Variants in ZMYM2 observed in about 807,000 individuals in gnomAD.
The protein encoded by ZMYM2 is zinc finger MYM-type protein 2.
A neutral mutation model predicts 162.8 loss-of-function variants in ZMYM2; 56 were observed. The ratio of observed to expected loss-of-function variants is 0.34; its 90% CI spans 0.28 to 0.43. ZMYM2 has a LOEUF of 0.43. Among genes scored for constraint, ZMYM2 ranks in the 20% least tolerant of loss-of-function variants. The pLI, the probability that ZMYM2 is intolerant of heterozygous loss-of-function variation, is 1.00. For missense variants in ZMYM2, 1,275 were observed against 1,621.8 expected (o/e 0.79, Z 3.67); for synonymous variants, 510 against 541.6 (o/e 0.94, Z 0.81).
chr13:19,934,066 G>A, the ZMYM2 span, among the ~76,000 whole-genome samples: 10 of 151,680 alleles, frequency 6.6e-5, no homozygotes, highest in East Asian at 1.4e-3. Context: ...CACTTTTCCC[G>A]CTTTCTATAG....
intron 2 of ZMYM2, among the ~76,000 whole-genome samples, chr13:19,981,655 A>T (rs1265705444): frequency 6.6e-6 from 1 of 152,044 alleles, no homozygotes; most frequent in Non-Finnish European, 1.5e-5. Context: ...GTAAATACGA[A>T]TTTTTTCCTA....
chr13:19,895,427 A>G, the ZMYM2 span, among the ~76,000 whole-genome samples: 3 of 151,972 alleles, frequency 2.0e-5, no homozygotes, highest in African/African-American at 7.3e-5. Flanking sequence ...TTTATTTATC[A>G]TAATTATGGA....
intron 7 of ZMYM2, among the ~76,000 whole-genome samples, chr13:20,021,908 A>G (rs1165712100): frequency 2.6e-5 from 4 of 152,182 alleles, no homozygotes; most frequent in South Asian, 4.1e-4. Context: ...CAGCTCCATC[A>G]TCATCAGTAC....
intron 2 of ZMYM2, among the ~76,000 whole-genome samples, chr13:19,974,132 G>A (rs974040819): frequency 7.2e-5 from 11 of 152,138 alleles, no homozygotes; most frequent in Non-Finnish European, 1.6e-4. Flanking sequence ...AACTTTAAAA[G>A]GTAGAAGAGG....
At chr13:19,982,805 G>A (rs1018954358) in intron 2 of ZMYM2, among the ~76,000 whole-genome samples, 1 of 152,158 alleles carries the variant, frequency 6.6e-6, no homozygotes, top group Non-Finnish European at 1.5e-5. Flanking sequence ...TGGATTCAGT[G>A]TTTACCTTTT....
At chr13:19,888,395 C>A in the ZMYM2 span, among the ~76,000 whole-genome samples, 1 of 151,750 alleles carries the variant, frequency 6.6e-6, no homozygotes, top group African/African-American at 2.4e-5. Context: ...TGCCATGTTG[C>A]CCAGGCTGGT....
the ZMYM2 span, among the ~76,000 whole-genome samples, chr13:19,913,656 C>T: frequency 6.6e-6 from 1 of 152,158 alleles, no homozygotes; most frequent in South Asian, 2.1e-4. Flanking sequence ...ACCTGGGAGG[C>T]GGAGGCTGCA....
the ZMYM2 span, among the ~76,000 whole-genome samples, chr13:19,874,281 G>A: frequency 0.012 from 1,787 of 152,206 alleles, 35 homozygotes; most frequent in African/African-American, 0.039. Context: ...GTGCAGTAGC[G>A]TGATCACAGC....
chr13:19,949,135 C>A, the ZMYM2 span, among the ~76,000 whole-genome samples: 1 of 151,022 alleles, frequency 6.6e-6, no homozygotes, highest in South Asian at 2.1e-4. Context: ...TAAGGCTGGG[C>A]ACTGTGGCTC....
rs182844758 is a variant in ZMYM2, at chr13:19,999,960, G to A, written c.848-2890G>A. 1.1e-3 allele frequency among the ~76,000 whole-genome samples: 163 copies of A among 152,168 alleles called. 1 individual carries two copies. The highest frequency in any genetic ancestry group is 1.2e-3 in the Non-Finnish European group (82 of 68,002). On this transcript the variant is annotated intron_variant, in intron 3 of 24. Coordinates refer to ENST00000610343, the MANE Select transcript of ZMYM2 (RefSeq NM_197968.4). ...CCATAAGAATGTGCCACCATGCCTG[G>A]TTAATTTTTAAAAAATATTTTTTGT...
intron 19 of ZMYM2, 102 bp from the exon 20 acceptor site, chr13:20,066,749 A>G: frequency 3.4e-6 from 4 of 1,183,328 alleles, no homozygotes; most frequent in Non-Finnish European, 3.4e-6. Context: ...ATGTTGCTCA[A>G]GGGTCAATTG....
At chr13:19,949,036 G>A in the ZMYM2 span, among the ~76,000 whole-genome samples, 36 of 151,958 alleles carry the variant, frequency 2.4e-4, no homozygotes, top group African/African-American at 8.2e-4. Context: ...TTGGGAGGCC[G>A]AGGCAGGAGG....
Position 19,978,543 on chromosome 13 carries a change from A to G in ZMYM2, c.-10-14520A>G, listed in dbSNP as rs927969753. 2.6e-5 allele frequency among the ~76,000 whole-genome samples: 4 copies of G among 152,038 alleles called. 1 individual carries two copies. Among genetic ancestry groups the G allele is most frequent in the African/African-American group, 9.6e-5 (4 of 41,462 alleles). On this transcript the variant is annotated intron_variant, in intron 2 of 24. Transcript: ENST00000610343. ...GTGATTCTCCTGCCTCAGCCTGCCG[A>G]GTAGCTGGGATTACAGGCATGTGCC...
chr13:19,974,706 G>A (rs995581612), intron 2 of ZMYM2, among the ~76,000 whole-genome samples: 3 of 151,996 alleles, frequency 2.0e-5, no homozygotes, highest in African/African-American at 7.2e-5. Flanking sequence ...TCCTGACCTC[G>A]TGATCCACCC....
the ZMYM2 span, among the ~76,000 whole-genome samples, chr13:19,880,145 C>T: frequency 1.3e-5 from 2 of 152,130 alleles, no homozygotes; most frequent in African/African-American, 2.4e-5. Flanking sequence ...AGTTCCCCAG[C>T]TTTCAGACAG....
intron 2 of ZMYM2, among the ~76,000 whole-genome samples, chr13:19,989,428 T>C (rs1484286426): frequency 2.0e-5 from 3 of 152,076 alleles, no homozygotes; most frequent in African/African-American, 4.8e-5. Flanking sequence ...CTCAGCCTCC[T>C]GAGTAGCTGG....
Position 20,072,636 on chromosome 13 carries a change from T to G in ZMYM2, c.3453+5246T>G, listed in dbSNP as rs184120702. Among the ~76,000 whole-genome samples the G allele has an allele frequency of 1.2e-4, 18 of 152,334 alleles. No individual in the cohort carries two copies. The East Asian group carries it at 3.3e-3, about 28-fold the overall frequency. On this transcript the variant is annotated intron_variant, in intron 21 of 24. Coordinates refer to ENST00000610343, the MANE Select transcript of ZMYM2 (RefSeq NM_197968.4). ...TTCTTCCTTAAATATGCAATAGAATTCACCAGTGAAGCCATATAGGCTTAG... is the reference window on the plus strand; with the variant it reads ...TTCTTCCTTAAATATGCAATAGAATGCACCAGTGAAGCCATATAGGCTTAG...
At chr13:20,015,153 C>A (rs1475138239) in intron 6 of ZMYM2, among the ~76,000 whole-genome samples, 1 of 151,984 alleles carries the variant, frequency 6.6e-6, no homozygotes, top group African/African-American at 2.4e-5. Flanking sequence ...TTTTGGTATT[C>A]TTTTAGTTTT....
chr13:19,981,469 T>C (rs968359429), intron 2 of ZMYM2, among the ~76,000 whole-genome samples: 1 of 152,248 alleles, frequency 6.6e-6, no homozygotes, highest in Non-Finnish European at 1.5e-5. Context: ...GCTTTCTTGC[T>C]ATCTACTATA....
Sources: gnomAD v4.1 joint callset for allele counts (sites outside exome capture counted in the v4.1 genomes callset) on GRCh38, gnomAD v4.1.1 for gene constraint, MANE v1.5 for transcripts, NCBI Gene and HGNC (gene_info 2026-07-23, HGNC 2026-07-21) for gene names.